The following SLC41A2 variants were observed in gnomAD, a reference collection of about 807,000 sequenced individuals.
The protein encoded by SLC41A2 is SLC41A1-like 1.
SLC41A2 carries 32 observed loss-of-function variants against 58.3 expected under a neutral mutation model. The ratio of observed to expected loss-of-function variants is 0.55; its 90% CI spans 0.41 to 0.74. The LOEUF (loss-of-function observed/expected upper bound fraction) is 0.74. Among genes scored for constraint, SLC41A2 ranks in the 30% least tolerant of loss-of-function variants. The pLI, the probability that SLC41A2 is intolerant of heterozygous loss-of-function variation, is 0.00. For missense variants in SLC41A2, 514 were observed against 680.6 expected (o/e 0.76, Z 2.72); for synonymous variants, 190 against 235.0 (o/e 0.81, Z 1.75).
chr12:104,875,989 C>T (rs189427684), intron 6 of SLC41A2, among the ~76,000 whole-genome samples: 31 of 152,170 alleles, frequency 2.0e-4, no homozygotes, highest in African/African-American at 7.0e-4. Context: ...TCTGTTCAGG[C>T]TTTCTATTTG....
At chr12:104,936,708 G>T (rs556413375) in intron 1 of SLC41A2, among the ~76,000 whole-genome samples, 1 of 152,256 alleles carries the variant, frequency 6.6e-6, no homozygotes, top group Non-Finnish European at 1.5e-5. Flanking sequence ...CACAACATGT[G>T]GGAATTACAG....
At position 104,939,948 on chromosome 12, in the gene SLC41A2, GC is replaced by G. The variant is rs1407653571; in HGVS notation, c.-167-11255del. On this transcript the variant is annotated intron_variant, in intron 1 of 10. Coordinates refer to ENST00000258538, the MANE Select transcript of SLC41A2 (RefSeq NM_001352171.3). ...TATATATTCTTACTTTTGCCACTCT[GC>G]AAGGGTACCTTGTTCTTTTAATTTT... is the stretch of plus-strand genomic sequence containing the variant. Among the ~76,000 whole-genome samples the G allele has an allele frequency of 6.6e-5, 10 of 151,978 alleles. 1 individual carries two copies. Among genetic ancestry groups the G allele is most frequent in the Admixed American group, 3.9e-4 (6 of 15,248 alleles).
At chr12:104,831,912 A>G (rs1263341569) in intron 10 of SLC41A2, among the ~76,000 whole-genome samples, 1 of 152,214 alleles carries the variant, frequency 6.6e-6, no homozygotes, top group Admixed American at 6.5e-5. Flanking sequence ...ATAAAAAACA[A>G]TATTCATTTT....
intron 10 of SLC41A2, among the ~76,000 whole-genome samples, chr12:104,805,563 T>C (rs2040863256): frequency 6.6e-6 from 1 of 152,238 alleles, no homozygotes; most frequent in Admixed American, 6.5e-5. Context: ...ACTTTTCATA[T>C]AGATCTCATT....
intron 1 of SLC41A2, among the ~76,000 whole-genome samples, chr12:104,947,096 T>G (rs552205470): frequency 6.6e-6 from 1 of 152,020 alleles, no homozygotes; most frequent in Non-Finnish European, 1.5e-5. Context: ...AAACCTAACT[T>G]CCCACCTCTT....
chr12:104,862,344 G>T (rs1183207164), intron 7 of SLC41A2, among the ~76,000 whole-genome samples: 2 of 152,074 alleles, frequency 1.3e-5, no homozygotes, highest in Non-Finnish European at 1.5e-5. Flanking sequence ...TCCCAAAATA[G>T]TCCTCTTTAG....
chr12:104,884,924 C>T (rs553873528), intron 6 of SLC41A2, among the ~76,000 whole-genome samples: 1 of 152,174 alleles, frequency 6.6e-6, no homozygotes, highest in East Asian at 1.9e-4. Context: ...ATATTTTAAT[C>T]CCTGACTTCA....
chr12:104,909,904 C>T (rs1338866962), intron 2 of SLC41A2, 142 bp from the exon 3 acceptor site: 3 of 576,180 alleles, frequency 5.2e-6, no homozygotes, highest in Admixed American at 3.4e-5. Context: ...AATCAGCGAG[C>T]ACTTAGCTTA....
chr12:104,867,071 T>A (rs11830253), intron 6 of SLC41A2, among the ~76,000 whole-genome samples: 207 of 152,250 alleles, frequency 1.4e-3, no homozygotes, highest in African/African-American at 4.5e-3. Flanking sequence ...CCAAAGTTAG[T>A]GCTCTTAACT....
In SLC41A2 at chr12:104,942,647, T is replaced by TC. The variant is rs199524688; in HGVS notation, c.-167-13954dup. Among the ~76,000 whole-genome samples, 525 of 152,312 alleles carry TC rather than the reference T, an allele frequency of 3.4e-3. 2 individuals are homozygous for TC. Among genetic ancestry groups the TC allele is most frequent in the African/African-American group, 0.012 (488 of 41,572 alleles). On this transcript the variant is annotated intron_variant, in intron 1 of 10. Transcript: ENST00000258538. ...TTAAAAATAGTATTTTTGCTTTTCTTCAATAAAAATTGAGCCAGCTTTTTT... is the reference window on the plus strand; with the variant it reads ...TTAAAAATAGTATTTTTGCTTTTCTTCCAATAAAAATTGAGCCAGCTTTTTT...
intron 1 of SLC41A2, among the ~76,000 whole-genome samples, chr12:104,945,388 T>G (rs2047676491): frequency 6.6e-6 from 1 of 150,580 alleles, no homozygotes; most frequent in Admixed American, 6.6e-5. Context: ...TAGTCCCAGC[T>G]ACTCAGGAGG....
intron 3 of SLC41A2, among the ~76,000 whole-genome samples, chr12:104,905,905 T>G (rs911977356): frequency 2.0e-5 from 3 of 152,096 alleles, no homozygotes; most frequent in Admixed American, 6.5e-5. Context: ...CCTCCACATC[T>G]CCCTGCAAGC....
chr12:104,856,386 G>A (rs956090253), intron 8 of SLC41A2, among the ~76,000 whole-genome samples: 15 of 152,158 alleles, frequency 9.9e-5, no homozygotes, highest in African/African-American at 3.6e-4. Context: ...TAATTAGGAG[G>A]TCACTGGAGA....
chr12:104,811,076 A>AAAT (rs1251395491), intron 10 of SLC41A2, among the ~76,000 whole-genome samples: 4 of 152,280 alleles, frequency 2.6e-5, no homozygotes, highest in African/African-American at 9.6e-5. Context: ...CACTGGGGAA[A>AAAT]AATAAAATTG....
At chr12:104,902,473 T>G (rs1432042235) in intron 3 of SLC41A2, among the ~76,000 whole-genome samples, 1 of 152,210 alleles carries the variant, frequency 6.6e-6, no homozygotes. Flanking sequence ...TAGAATGTAT[T>G]GAGTGGTATC....
At chr12:104,885,708 T>C (rs1419481649) in intron 6 of SLC41A2, among the ~76,000 whole-genome samples, 1 of 152,168 alleles carries the variant, frequency 6.6e-6, no homozygotes, top group Non-Finnish European at 1.5e-5. Flanking sequence ...ATTCCATAAA[T>C]ACTCTATCAC....
intron 3 of SLC41A2, 141 bp downstream of exon 3, chr12:104,909,514 T>A: frequency 1.0e-5 from 6 of 585,880 alleles, no homozygotes. Flanking sequence ...TTTCAGAATA[T>A]GATATCAGGC....
At position 104,928,195 on chromosome 12, in the gene SLC41A2, G is replaced by C; in HGVS notation, c.333C>G (p.Asp111Glu). The C allele has an allele frequency of 6.2e-7, 1 of 1,614,118 alleles. No individual in the cohort carries two copies. Among genetic ancestry groups the C allele is most frequent in the Non-Finnish European group, 8.5e-7 (1 of 1,180,012 alleles). Residue 111 changes from aspartate (D) to glutamate (E), a missense_variant, in exon 2 of 11, where the codon GAC (aspartate) becomes GAG (glutamate). Coordinates refer to ENST00000258538, the MANE Select transcript of SLC41A2 (RefSeq NM_001352171.3). ...ASSSCSQKYD[D>E]YANYNYCDGR... is the part of the protein sequence containing the mutation. ...CATCACAGTAATTATAATTGGCATA[G>C]TCATCATACTTTTGGCTGCAGCTTG...
intron 3 of SLC41A2, among the ~76,000 whole-genome samples, chr12:104,900,470 T>G (rs1276429916): frequency 6.6e-6 from 1 of 152,222 alleles, no homozygotes; most frequent in Non-Finnish European, 1.5e-5. Flanking sequence ...AGGTATATAT[T>G]ATATATCTAA....
Sources: allele counts gnomAD v4.1 joint callset (sites outside exome capture counted in the v4.1 genomes callset), GRCh38; gene constraint gnomAD v4.1.1; transcripts MANE v1.5; gene names NCBI Gene and HGNC (gene_info 2026-07-23, HGNC 2026-07-21).